The following ACOXL variants were observed in gnomAD, a reference collection of about 807,000 sequenced individuals.
The protein encoded by ACOXL is acyl-CoA oxidase like, also known as acyl-coenzyme A oxidase-like protein.
ACOXL carries 70 observed loss-of-function variants against 71.9 expected under a neutral mutation model. That is an observed-to-expected ratio of 0.97 (90% CI 0.80 to 1.19). ACOXL has a LOEUF of 1.19. Among genes scored for constraint, ACOXL ranks in the 50% most tolerant of loss-of-function variants. The probability of loss-of-function intolerance (pLI) is 0.00; values close to 1 mark genes in which losing one functional copy is unlikely to be tolerated. For synonymous variants in ACOXL, 253 were observed against 281.6 expected, an observed-to-expected ratio of 0.90 and a Z score of 1.02; for missense variants, 703 against 736.3, an observed-to-expected ratio of 0.95 and a Z score of 0.52.
intron 9 of ACOXL, among the ~76,000 whole-genome samples, chr2:110,821,717 C>T (rs1005491876): frequency 9.9e-5 from 15 of 152,178 alleles, no homozygotes; most frequent in African/African-American, 3.1e-4. Flanking sequence ...GGAGTATCTG[C>T]AGAAATTATT....
chr2:110,980,044 G>C (rs2062633586), intron 12 of ACOXL, among the ~76,000 whole-genome samples: 1 of 152,194 alleles, frequency 6.6e-6, no homozygotes, highest in South Asian at 2.1e-4. Flanking sequence ...GAGCTCTGGA[G>C]GAAGAATACA....
chr2:110,755,649 C>G (rs1033227967), intron 1 of ACOXL, among the ~76,000 whole-genome samples: 1 of 152,062 alleles, frequency 6.6e-6, no homozygotes, highest in Non-Finnish European at 1.5e-5. Context: ...CATTTTTATC[C>G]AGCTTTAATT....
intron 2 of ACOXL, among the ~76,000 whole-genome samples, chr2:110,781,534 C>T (rs750790866): frequency 9.2e-5 from 14 of 151,860 alleles, no homozygotes; most frequent in Non-Finnish European, 1.8e-4. Context: ...CCCAGCTACT[C>T]GGGAAGCTGA....
chr2:110,933,161 C>T (rs1366152420), intron 11 of ACOXL, among the ~76,000 whole-genome samples: 1 of 152,074 alleles, frequency 6.6e-6, no homozygotes, highest in Non-Finnish European at 1.5e-5. Context: ...ACTGTTTAAA[C>T]CATTTGCACC....
chr2:111,047,111 G>A (rs2066053843), intron 15 of ACOXL, among the ~76,000 whole-genome samples: 1 of 152,242 alleles, frequency 6.6e-6, no homozygotes, highest in African/African-American at 2.4e-5. Flanking sequence ...TCAGTGGCCT[G>A]GTGGCTGGAG....
At chr2:110,859,302 G>A (rs1693655271) in intron 10 of ACOXL, among the ~76,000 whole-genome samples, 1 of 152,230 alleles carries the variant, frequency 6.6e-6, no homozygotes, top group Admixed American at 6.5e-5. Context: ...GCTTTCTAGA[G>A]TGTGCGAGTG....
chr2:111,046,088 A>G (rs2066003876), intron 15 of ACOXL, among the ~76,000 whole-genome samples: 1 of 152,346 alleles, frequency 6.6e-6, no homozygotes, highest in African/African-American at 2.4e-5. Context: ...TCCATGTGTC[A>G]TGTGTCACAT....
intron 16 of ACOXL, among the ~76,000 whole-genome samples, chr2:111,089,664 A>G (rs1270095417): frequency 6.6e-6 from 1 of 152,214 alleles, no homozygotes; most frequent in African/African-American, 2.4e-5. Flanking sequence ...AAAATAGTTT[A>G]TGGGGGGAAA....
At chr2:111,038,460 T>C (rs2065627954) in intron 15 of ACOXL, among the ~76,000 whole-genome samples, 1 of 152,238 alleles carries the variant, frequency 6.6e-6, no homozygotes, top group African/African-American at 2.4e-5. Flanking sequence ...AAATTGTACA[T>C]TGTATGATGG....
chr2:111,030,654 G>A (rs952055209), intron 14 of ACOXL, among the ~76,000 whole-genome samples: 8 of 151,964 alleles, frequency 5.3e-5, no homozygotes, highest in South Asian at 2.1e-4. Flanking sequence ...GAGAGGGCAC[G>A]TCAGGGTGTG....
At chr2:110,801,004 C>T (rs554761306) in intron 7 of ACOXL, among the ~76,000 whole-genome samples, 1 of 152,294 alleles carries the variant, frequency 6.6e-6, no homozygotes, top group South Asian at 2.1e-4. Context: ...AAGACATTTA[C>T]TAAAGACAGA....
chr2:110,837,252 G>A (rs935387415), intron 9 of ACOXL, among the ~76,000 whole-genome samples: 2 of 152,118 alleles, frequency 1.3e-5, no homozygotes, highest in Non-Finnish European at 2.9e-5. Flanking sequence ...CCATGTGTGA[G>A]AGAGCACATC....
chr2:110,938,320 C>G (rs1436052841), intron 12 of ACOXL, among the ~76,000 whole-genome samples: 3 of 152,156 alleles, frequency 2.0e-5, no homozygotes, highest in Non-Finnish European at 2.9e-5. Context: ...AAAGCGGGAA[C>G]CAGACCTAGA....
intron 1 of ACOXL, among the ~76,000 whole-genome samples, chr2:110,736,678 G>A (rs562079052): frequency 6.6e-6 from 1 of 150,760 alleles, no homozygotes; most frequent in Non-Finnish European, 1.5e-5. Flanking sequence ...GGAGTGCAGT[G>A]GTGCAATCTC....
intron 10 of ACOXL, among the ~76,000 whole-genome samples, chr2:110,907,876 CTT>C (rs1455452064): frequency 5.3e-5 from 8 of 152,196 alleles, no homozygotes; most frequent in African/African-American, 1.9e-4. Flanking sequence ...TGCTTCTTCT[CTT>C]TGAGTGGTTG....
chr2:110,800,220 C>T (rs112965766), intron 7 of ACOXL, among the ~76,000 whole-genome samples: 33 of 152,310 alleles, frequency 2.2e-4, no homozygotes, highest in African/African-American at 7.7e-4. Flanking sequence ...TGGCTTCATT[C>T]TTGAAGTCAG....
chr2:110,994,341 A>G (rs2063301817), intron 13 of ACOXL, among the ~76,000 whole-genome samples: 2 of 152,194 alleles, frequency 1.3e-5, no homozygotes, highest in South Asian at 2.1e-4. Context: ...CCCTGTCTAA[A>G]TGGAGGGTGA....
intron 10 of ACOXL, among the ~76,000 whole-genome samples, chr2:110,890,943 C>T (rs12329103): frequency 0.31 from 47,357 of 151,892 alleles, 7,736 homozygotes; most frequent in Middle Eastern, 0.38. Context: ...TTTATTTAGA[C>T]CTTCTTTAAT....
chr2:110,742,452 T>C (rs1217584356), intron 1 of ACOXL, among the ~76,000 whole-genome samples: 3 of 152,202 alleles, frequency 2.0e-5, no homozygotes, highest in Non-Finnish European at 4.4e-5. Flanking sequence ...TGGGGTGATA[T>C]ATTGTTATAT....
Sources: allele counts gnomAD v4.1 joint callset (sites outside exome capture counted in the v4.1 genomes callset), GRCh38; gene constraint gnomAD v4.1.1; transcripts MANE v1.5; gene names NCBI Gene and HGNC (gene_info 2026-07-23, HGNC 2026-07-21).